The following PPIL2 variants were observed in gnomAD, a reference collection of about 807,000 sequenced individuals.
The protein encoded by PPIL2 is peptidylprolyl isomerase like 2, also known as RING-type E3 ubiquitin-protein ligase PPIL2.
PPIL2 carries 50 observed loss-of-function variants against 75.2 expected under a neutral mutation model. The observed-to-expected ratio is 0.66, with a 90% CI of 0.53 to 0.84. The LOEUF is 0.84. PPIL2 is among the 40% of genes least tolerant of loss of function. PPIL2 has a pLI of 0.00. For missense variants in PPIL2, 590 were observed against 685.0 expected, an observed-to-expected ratio of 0.86 and a Z score of 1.55; for synonymous variants, 245 against 258.8, an observed-to-expected ratio of 0.95 and a Z score of 0.51.
chr22:21,677,550 A>C (rs1207660192), intron 6 of PPIL2, among the ~76,000 whole-genome samples: 2 of 152,168 alleles, frequency 1.3e-5, no homozygotes, highest in Non-Finnish European at 2.9e-5. Flanking sequence ...TACGAAAACC[A>C]GTCAGGCGTG....
intron 6 of PPIL2, among the ~76,000 whole-genome samples, chr22:21,678,061 G>T (rs995539934): frequency 3.3e-5 from 5 of 152,172 alleles, no homozygotes; most frequent in African/African-American, 1.2e-4. Context: ...TGGAAGCAGG[G>T]GATGTGGTGA....
Position 21,684,854 on chromosome 22 carries a change from G to A in PPIL2, c.655G>A (p.Glu219Lys), listed in dbSNP as rs150929807. 659 of 1,614,010 alleles carry A rather than the reference G, an allele frequency of 4.1e-4. 4 individuals are homozygous for A. The highest frequency in any genetic ancestry group is 1.5e-4 in the Admixed American group (9 of 60,002). Reference sequence around the variant, plus strand: ...GCTCTACAAGGAGTTCAAAGGGGACGAGATTCTGGCAGCCACCATGAAGGC... The same window carrying A: ...GCTCTACAAGGAGTTCAAAGGGGACAAGATTCTGGCAGCCACCATGAAGGC... ...QELYKEFKGD[E>K]ILAATMKAPE... The change falls in exon 10 of 20, where the codon GAG (glutamate) becomes AAG (lysine). Residue 219 changes from glutamate (E) to lysine (K), a missense_variant. Transcript: ENST00000398831.
chr22:21,686,879 C>A lies in PPIL2; in HGVS notation c.791-13C>A. On this transcript the variant is annotated splice_polypyrimidine_tract_variant and intron_variant, in intron 11 of 19. Transcript: ENST00000398831. ...GGTGAGGGCAGGGGCTGAGCTGGGA[C>A]CTTGGCTTGTAGCTGCCATCGACGA... The A allele has an allele frequency of 6.2e-7, 1 of 1,613,366 alleles. No individual in the cohort carries two copies. The highest frequency in any genetic ancestry group is 1.1e-5 in the South Asian group (1 of 91,058).
chr22:21,670,506 G>GCA (rs1261587373), intron 2 of PPIL2, 60 bp from the exon 3 acceptor site: 2 of 1,523,884 alleles, frequency 1.3e-6, no homozygotes, highest in Non-Finnish European at 1.8e-6. Context: ...GCTAGCAGGT[G>GCA]CACATAGATG....
At chr22:21,681,605 G>A (rs1034426032) in intron 7 of PPIL2, among the ~76,000 whole-genome samples, 1 of 152,194 alleles carries the variant, frequency 6.6e-6, no homozygotes, top group African/African-American at 2.4e-5. Flanking sequence ...TGCATCCTTC[G>A]GAATCCAGGC....
intron 15 of PPIL2, among the ~76,000 whole-genome samples, chr22:21,692,231 C>A (rs943425488): frequency 1.3e-5 from 2 of 151,912 alleles, no homozygotes; most frequent in African/African-American, 2.4e-5. Context: ...TCTCGGCTCA[C>A]TGCAAGCTCC....
chr22:21,694,986 T>C lies in PPIL2; in HGVS notation c.1382T>C (p.Val461Ala). Residue 461 changes from valine (V) to alanine (A), a missense_variant, in exon 19 of 20, where the codon GTG becomes GCG. Val to Ala is a moderately conservative substitution (Grantham distance 64, BLOSUM62 0). Coordinates refer to ENST00000398831, the MANE Select transcript of PPIL2 (RefSeq NM_014337.4). ...CTCAAGGTAGCCCCGGAGACCAAAG[T>C]GAAGAGCAGCCAGCCCCAGGCAGGG... ...TQLKVAPETK[V>A]KSSQPQAGSQ... The C allele has an allele frequency of 1.2e-6, 2 of 1,613,556 alleles. No individual in the cohort carries two copies. Among genetic ancestry groups the C allele is most frequent in the Non-Finnish European group, 1.7e-6 (2 of 1,179,952 alleles).
Position 21,696,784 on chromosome 22 carries a change from T to G in PPIL2, c.*1294T>G, listed in dbSNP as rs2067953298. 1 of 1,547,802 alleles carries G rather than the reference T, an allele frequency of 6.5e-7. No individual in the cohort carries two copies. The highest frequency in any genetic ancestry group is 1.4e-5 in the African/African-American group (1 of 73,046). ...TGTACCTCTGCCCTTCCTTTTCTCATCAATCACTGATGCTGAAGCTGCAGG... is the reference window on the plus strand; with the variant it reads ...TGTACCTCTGCCCTTCCTTTTCTCAGCAATCACTGATGCTGAAGCTGCAGG... On this transcript the variant is annotated 3_prime_UTR_variant, in exon 20 of 20. Transcript: ENST00000398831.
intron 1 of PPIL2, 104 bp downstream of exon 1, chr22:21,666,235 A>G: frequency 1.5e-6 from 2 of 1,361,328 alleles, no homozygotes; most frequent in Non-Finnish European, 1.0e-6. Context: ...TCCCCAGAGC[A>G]CAGCCCAAAG....
chr22:21,669,854 A>T, intron 1 of PPIL2, 59 bp from the exon 2 acceptor site: 1 of 1,534,078 alleles, frequency 6.5e-7, no homozygotes, highest in Non-Finnish European at 9.0e-7. Context: ...CTCACTTCCA[A>T]AGACTTCGTC....
chr22:21,683,161 G>A (rs550466886), intron 8 of PPIL2, 21 bp from the exon 9 acceptor site: 2 of 1,598,946 alleles, frequency 1.3e-6, no homozygotes, highest in South Asian at 1.1e-5. Context: ...CACTCTGCTG[G>A]GCATTCTCTT....
At chr22:21,670,918 G>T in intron 3 of PPIL2, 79 bp from the exon 4 acceptor site, 1 of 1,368,874 alleles carries the variant, frequency 7.3e-7, no homozygotes, top group East Asian at 2.3e-5. Flanking sequence ...ATTTCAGGAG[G>T]TCACCATGCC....
intron 6 of PPIL2, 37 bp downstream of exon 6, chr22:21,675,152 C>T (rs1304932285): frequency 6.4e-7 from 1 of 1,570,632 alleles, no homozygotes; most frequent in Non-Finnish European, 8.8e-7. Flanking sequence ...TGGGCTTGAC[C>T]TGCAGACCCA....
At chr22:21,694,030 G>T (rs929038103) in intron 16 of PPIL2, among the ~76,000 whole-genome samples, 158 bp downstream of exon 16, 1 of 152,220 alleles carries the variant, frequency 6.6e-6, no homozygotes, top group African/African-American at 2.4e-5. Context: ...GCGATGGAGG[G>T]TGCTCCATGT....
At position 21,694,925 on chromosome 22, in the gene PPIL2, G is replaced by T; in HGVS notation, c.1333-12G>T. 6.2e-7 allele frequency: 1 copy of T among 1,612,380 alleles called. No individual in the cohort carries two copies. The highest frequency in any genetic ancestry group is 8.5e-7 in the Non-Finnish European group (1 of 1,179,168). ...GGTGCTGCCGGTTAGCCAGCGCCCT[G>T]TTGTGCCACAGATTGCGCAGGAGCG... On this transcript the variant is annotated splice_polypyrimidine_tract_variant and intron_variant, in intron 18 of 19. Coordinates refer to ENST00000398831, the MANE Select transcript of PPIL2 (RefSeq NM_014337.4).
At chr22:21,681,206 G>T (rs2067115931) in intron 6 of PPIL2, 93 bp from the exon 7 acceptor site, 2 of 1,037,896 alleles carry the variant, frequency 1.9e-6, no homozygotes, top group Non-Finnish European at 3.0e-6. Context: ...GCTGACTTTG[G>T]AGTTCTGTCC....
intron 1 of PPIL2, among the ~76,000 whole-genome samples, chr22:21,666,952 A>T (rs2148490513): frequency 6.6e-6 from 1 of 152,118 alleles, no homozygotes; most frequent in African/African-American, 2.4e-5. Flanking sequence ...TCTTGAAACC[A>T]CTCAAGTCAG....
At position 21,688,724 on chromosome 22, in the gene PPIL2, T is replaced by C; in HGVS notation, c.1022-8T>C. The C allele has an allele frequency of 6.2e-7, 1 of 1,613,810 alleles. No individual in the cohort carries two copies. The highest frequency in any genetic ancestry group is 1.1e-5 in the South Asian group (1 of 91,072). On this transcript the variant is annotated splice_polypyrimidine_tract_variant and splice_region_variant and intron_variant, in intron 14 of 19. Coordinates refer to ENST00000398831, the MANE Select transcript of PPIL2 (RefSeq NM_014337.4). ...GCTTTCCTGCTCCCATGGGCCTTTC[T>C]CTTCCAGGTGGGGAGTCATACTGGG...
Position 21,695,059 on chromosome 22 carries a change from C to G in PPIL2, c.1455C>G (p.Asn485Lys). The change falls in exon 19 of 20, where the codon AAC becomes AAG. Residue 485 changes from asparagine to lysine, a missense_variant. Asn to Lys is a moderately conservative substitution (Grantham distance 94, BLOSUM62 0). Transcript: ENST00000398831. ...TFRQGVGKYI[N>K]PAATKRAAEE... ...GCCAGGGCGTGGGCAAGTACATCAA[C>G]CCAGCAGCCACGTGAGTGCCGCGGG... is the stretch of plus-strand genomic sequence containing the variant. 1.9e-6 allele frequency: 3 copies of G among 1,607,756 alleles called. No homozygotes were observed. The highest frequency in any genetic ancestry group is 2.5e-6 in the Non-Finnish European group (3 of 1,179,154).
Sources: gnomAD v4.1 joint callset for allele counts (sites outside exome capture counted in the v4.1 genomes callset) on GRCh38, gnomAD v4.1.1 for gene constraint, MANE v1.5 for transcripts, NCBI Gene and HGNC (gene_info 2026-07-23, HGNC 2026-07-21) for gene names.